Variants in ADAMTSL1 observed in about 807,000 individuals in gnomAD.
The protein encoded by ADAMTSL1 is ADAMTS-like protein 1.
In ADAMTSL1, 126 loss-of-function variants were observed where a neutral mutation model predicts 201.8. The ratio of observed to expected loss-of-function variants is 0.62; its 90% confidence interval spans 0.54 to 0.72. The LOEUF is 0.72. Ranked by LOEUF, ADAMTSL1 falls within the 30% of genes least tolerant of loss-of-function variation. ADAMTSL1 has a pLI of 0.00. For synonymous variants in ADAMTSL1, 1,121 were observed against 903.4 expected (o/e 1.24, Z -4.32); for missense variants, 2,679 against 2,277.8 (o/e 1.18, Z -3.59).
chr9:18,720,653 C>A (rs1429468488), intron 14 of ADAMTSL1, among the ~76,000 whole-genome samples: 1 of 152,124 alleles, frequency 6.6e-6, no homozygotes, highest in Non-Finnish European at 1.5e-5. Context: ...CATGGTGGCA[C>A]ACGCCTGTAA....
intron 1 of ADAMTSL1, among the ~76,000 whole-genome samples, chr9:18,136,264 G>A (rs888996714): frequency 6.6e-6 from 1 of 152,140 alleles, no homozygotes; most frequent in African/African-American, 2.4e-5. Flanking sequence ...TCAGAGGTGT[G>A]CATTGGGATT....
At chr9:18,093,225 A>T (rs1824103127) in intron 1 of ADAMTSL1, among the ~76,000 whole-genome samples, 1 of 152,228 alleles carries the variant, frequency 6.6e-6, no homozygotes, top group Non-Finnish European at 1.5e-5. Flanking sequence ...AAAGAAAAAA[A>T]ATCTGCAGTA....
rs758746678 is a variant in ADAMTSL1, at chr9:18,776,853, G to A, written c.2624G>A (p.Arg875Lys). The A allele has an allele frequency of 6.2e-7, 1 of 1,606,714 alleles. No homozygotes were observed. Residue 875 changes from arginine to lysine, a missense_variant, in exon 19 of 29, where the codon AGG (arginine) becomes AAG (lysine). Arg to Lys is a conservative substitution (Grantham distance 26). Coordinates refer to ENST00000380548, the MANE Select transcript of ADAMTSL1 (RefSeq NM_001040272.6). ...AARKVYIQTR[R>K]QRKLHFVVGG... is the part of the protein sequence containing the mutation. ...AGGAAGGTCTACATACAGACTCGCA[G>A]GCAGAGGAAGCTGCACTTCGTGGTG...
intron 4 of ADAMTSL1, among the ~76,000 whole-genome samples, chr9:18,617,413 G>T (rs981583124): frequency 6.6e-6 from 1 of 151,038 alleles, no homozygotes; most frequent in African/African-American, 2.4e-5. Flanking sequence ...CCTACTGCAG[G>T]CCTGATGCCT....
intron 1 of ADAMTSL1, among the ~76,000 whole-genome samples, chr9:18,498,477 C>A (rs1822650141): frequency 1.3e-5 from 2 of 151,922 alleles, no homozygotes; most frequent in Admixed American, 1.3e-4. Flanking sequence ...GCTAGGATTA[C>A]AGGCAAGCGT....
intron 4 of ADAMTSL1, among the ~76,000 whole-genome samples, chr9:18,609,236 C>T (rs1458209081): frequency 6.6e-6 from 1 of 152,118 alleles, no homozygotes; most frequent in Admixed American, 6.6e-5. Flanking sequence ...AGTTGGAGAG[C>T]TAAGGAAGGA....
intron 7 of ADAMTSL1, among the ~76,000 whole-genome samples, chr9:18,642,221 A>G (rs1242929578): frequency 6.6e-6 from 1 of 151,976 alleles, no homozygotes; most frequent in Non-Finnish European, 1.5e-5. Context: ...TCTTCAAGGC[A>G]TGGCAGGATT....
intron 2 of ADAMTSL1, among the ~76,000 whole-genome samples, chr9:18,441,166 G>T (rs1030703981): frequency 2.0e-5 from 3 of 149,078 alleles, no homozygotes; most frequent in Non-Finnish European, 4.5e-5. Flanking sequence ...GGGGCTGGGA[G>T]TGGGGAGAGG....
At chr9:18,832,749 A>G (rs761395065) in intron 23 of ADAMTSL1, among the ~76,000 whole-genome samples, 1 of 152,182 alleles carries the variant, frequency 6.6e-6, no homozygotes, top group Non-Finnish European at 1.5e-5. Flanking sequence ...TATATACAGG[A>G]TGAAAGCCAT....
intron 7 of ADAMTSL1, among the ~76,000 whole-genome samples, chr9:18,644,792 G>T (rs1377042750): frequency 6.6e-6 from 1 of 151,954 alleles, no homozygotes; most frequent in Admixed American, 6.6e-5. Context: ...TATCATTGTT[G>T]GACATTTGGG....
intron 1 of ADAMTSL1, among the ~76,000 whole-genome samples, chr9:18,056,468 G>A (rs1046632577): frequency 2.0e-4 from 30 of 152,106 alleles, no homozygotes; most frequent in African/African-American, 7.2e-4. Flanking sequence ...TCTCCAGAAA[G>A]CAGATGAGTA....
intron 1 of ADAMTSL1, among the ~76,000 whole-genome samples, chr9:18,160,685 TA>T (rs1827346975): frequency 1.3e-5 from 2 of 151,268 alleles, no homozygotes; most frequent in African/African-American, 2.4e-5. Flanking sequence ...ATTAATTAAT[TA>T]ATTAATTTTT....
At chr9:18,860,040 G>C (rs1358706887) in intron 23 of ADAMTSL1, among the ~76,000 whole-genome samples, 1 of 152,210 alleles carries the variant, frequency 6.6e-6, no homozygotes, top group Non-Finnish European at 1.5e-5. Context: ...ATTGGAAAGA[G>C]AGACATTCAG....
intron 1 of ADAMTSL1, among the ~76,000 whole-genome samples, chr9:18,152,463 A>C (rs1434221728): frequency 6.6e-6 from 1 of 152,026 alleles, no homozygotes; most frequent in Non-Finnish European, 1.5e-5. Flanking sequence ...ACTCACTGAG[A>C]GCTTAAAAGA....
intron 1 of ADAMTSL1, among the ~76,000 whole-genome samples, chr9:18,030,806 A>G (rs1820919352): frequency 6.6e-6 from 1 of 152,104 alleles, no homozygotes; most frequent in Non-Finnish European, 1.5e-5. Flanking sequence ...CCAATGAATC[A>G]TAGGTTTGAT....
intron 1 of ADAMTSL1, among the ~76,000 whole-genome samples, chr9:18,100,250 G>C (rs1319431795): frequency 6.6e-6 from 1 of 151,982 alleles, no homozygotes; most frequent in African/African-American, 2.4e-5. Context: ...TTATTTTTAT[G>C]TTACTCATTT....
intron 2 of ADAMTSL1, among the ~76,000 whole-genome samples, chr9:18,304,459 T>G (rs1833831533): frequency 6.6e-6 from 1 of 152,188 alleles, no homozygotes; most frequent in Non-Finnish European, 1.5e-5. Flanking sequence ...TAGCAAAACC[T>G]GGTTTTGCTA....
chr9:18,183,786 T>A (rs1828607945), intron 2 of ADAMTSL1, among the ~76,000 whole-genome samples: 1 of 152,190 alleles, frequency 6.6e-6, no homozygotes, highest in Non-Finnish European at 1.5e-5. Context: ...TATTTACAGG[T>A]TGGATGACAT....
intron 1 of ADAMTSL1, among the ~76,000 whole-genome samples, chr9:18,123,198 C>G (rs763428505): frequency 3.9e-5 from 6 of 152,176 alleles, no homozygotes; most frequent in Admixed American, 6.5e-5. Context: ...ACTAGATATT[C>G]TAGCATATTT....
Sources: allele counts gnomAD v4.1 joint callset (sites outside exome capture counted in the v4.1 genomes callset), GRCh38; gene constraint gnomAD v4.1.1; transcripts MANE v1.5; gene names NCBI Gene and HGNC (gene_info 2026-07-23, HGNC 2026-07-21).